KDM1A: variants seen among roughly 807,000 people sequenced by gnomAD.
KDM1A encodes lysine-specific histone demethylase 1A.
A neutral mutation model predicts 109.4 loss-of-function variants in KDM1A; 49 were observed. The observed-to-expected ratio is 0.45, with a 90% CI of 0.36 to 0.57. KDM1A has a LOEUF of 0.57. Among genes scored for constraint, KDM1A ranks in the 20% least tolerant of loss-of-function variants. The pLI, the probability that KDM1A is intolerant of heterozygous loss-of-function variation, is 0.00. For missense variants in KDM1A, 668 were observed against 1,116.6 expected, an observed-to-expected ratio of 0.60 and a Z score of 5.73; for synonymous variants, 380 against 415.4, an observed-to-expected ratio of 0.91 and a Z score of 1.04.
At chr1:23,022,609 G>A (rs1008240884) in intron 1 of KDM1A, among the ~76,000 whole-genome samples, 2 of 150,610 alleles carry the variant, frequency 1.3e-5, no homozygotes, top group African/African-American at 4.9e-5. Flanking sequence ...CAAAGTGCTG[G>A]GATTACAGGC....
chr1:23,024,722 A>G (rs1384122863), intron 1 of KDM1A, among the ~76,000 whole-genome samples: 1 of 152,244 alleles, frequency 6.6e-6, no homozygotes, highest in East Asian at 1.9e-4. Flanking sequence ...GAAATGGCAG[A>G]ATTTAGAAAA....
chr1:23,070,541 G>C (rs970718587), intron 12 of KDM1A, among the ~76,000 whole-genome samples: 1 of 152,082 alleles, frequency 6.6e-6, no homozygotes, highest in African/African-American at 2.4e-5. Context: ...AGGCATGGTG[G>C]CTCACGCCTG....
intron 1 of KDM1A, among the ~76,000 whole-genome samples, chr1:23,027,158 T>C (rs1641830187): frequency 6.6e-6 from 1 of 152,084 alleles, no homozygotes; most frequent in Non-Finnish European, 1.5e-5. Context: ...TATTAAGTAG[T>C]ATTAAGAAGT....
intron 2 of KDM1A, among the ~76,000 whole-genome samples, chr1:23,043,468 A>T (rs1380377284): frequency 7.2e-5 from 11 of 152,098 alleles, no homozygotes; most frequent in African/African-American, 2.7e-4. Flanking sequence ...CTGCTTTCTT[A>T]TTGGGGTACG....
chr1:23,052,465 T>G (rs1392476931), intron 4 of KDM1A, among the ~76,000 whole-genome samples: 1 of 152,224 alleles, frequency 6.6e-6, no homozygotes, highest in Non-Finnish European at 1.5e-5. Context: ...TAATTTGGTT[T>G]ATTTACATAT....
intron 18 of KDM1A, among the ~76,000 whole-genome samples, chr1:23,080,630 C>T (rs1027270493): frequency 1.3e-5 from 2 of 152,170 alleles, no homozygotes; most frequent in Admixed American, 1.3e-4. Context: ...GCTGTTCTCA[C>T]ATCCTGGAAG....
chr1:23,081,702 T>A, intron 19 of KDM1A, 129 bp downstream of exon 19: 2 of 1,139,820 alleles, frequency 1.8e-6, no homozygotes, highest in Non-Finnish European at 2.5e-6. Context: ...CATGAATAAT[T>A]AATGTTTGGA....
At chr1:23,045,808 A>G (rs944366424) in intron 3 of KDM1A, among the ~76,000 whole-genome samples, 7 of 152,204 alleles carry the variant, frequency 4.6e-5, no homozygotes, top group African/African-American at 1.4e-4. Context: ...AAGTGTTTCC[A>G]GGAATGATGG....
At chr1:23,036,444 G>GCCCCCC (rs5773033) in intron 2 of KDM1A, among the ~76,000 whole-genome samples, 38 of 121,690 alleles carry the variant, frequency 3.1e-4, no homozygotes, top group South Asian at 1.1e-3. Flanking sequence ...TTCTTGCCAC[G>GCCCCCC]CCCCCCCCCT....
chr1:23,033,313 G>A (rs1642045518), intron 2 of KDM1A, among the ~76,000 whole-genome samples: 2 of 152,176 alleles, frequency 1.3e-5, no homozygotes, highest in Non-Finnish European at 2.9e-5. Flanking sequence ...CCTGAGGTCA[G>A]GAGTTCGAGA....
chr1:23,060,818 A>G (rs1642978033), intron 9 of KDM1A, among the ~76,000 whole-genome samples: 1 of 152,152 alleles, frequency 6.6e-6, no homozygotes, highest in African/African-American at 2.4e-5. Flanking sequence ...GAACAGGGGA[A>G]ATGACACGAT....
intron 10 of KDM1A, among the ~76,000 whole-genome samples, chr1:23,068,111 C>T (rs1643206183): frequency 6.6e-6 from 1 of 152,180 alleles, no homozygotes; most frequent in African/African-American, 2.4e-5. Context: ...TTCTTATTTT[C>T]CCATCCTGCC....
intron 3 of KDM1A, 54 bp from the exon 4 acceptor site, chr1:23,050,316 TTTAAGCGTCATCACTAC>T: frequency 2.0e-6 from 3 of 1,473,650 alleles, no homozygotes; most frequent in Non-Finnish European, 2.7e-6. Context: ...GGCAAAGGAA[TTTAAGCGTCATCACTAC>T]CCGTTTTGTA....
At chr1:23,069,239 T>G (rs759166680) in intron 12 of KDM1A, 88 bp downstream of exon 12, 13 of 776,252 alleles carry the variant, frequency 1.7e-5, no homozygotes, top group Non-Finnish European at 2.5e-5. Flanking sequence ...CGAGATTTTT[T>G]CCTCCATGGA....
intron 1 of KDM1A, among the ~76,000 whole-genome samples, chr1:23,022,983 T>G (rs957115145): frequency 6.6e-6 from 1 of 152,190 alleles, no homozygotes; most frequent in Non-Finnish European, 1.5e-5. Context: ...ACATTTAATA[T>G]TGTTTGTCTT....
Position 23,019,771 on chromosome 1 carries a change from A to C in KDM1A, c.175A>C (p.Thr59Pro). The C allele has an allele frequency of 7.3e-7, 1 of 1,361,420 alleles. No individual in the cohort carries two copies. The highest frequency in any genetic ancestry group is 1.8e-5 in the South Asian group (1 of 54,842). The allele number at this position is 1,361,420 out of a possible 1,614,324, so 84.3% of individuals were successfully genotyped here. Residue 59 changes from threonine to proline, a missense_variant, in exon 1 of 21, where the codon ACA becomes CCA. Physicochemically the swap from Thr to Pro is conservative, Grantham distance 38. Coordinates refer to ENST00000400181, the MANE Select transcript of KDM1A (RefSeq NM_001009999.3). ...EVGPGAVGERTPRKKEPPRAS... is the reference protein window; with the variant it reads ...EVGPGAVGERPPRKKEPPRAS... Reference sequence around the variant, plus strand: ...CGGGCCGGGGGCGGTGGGGGAGCGCACACCCCGCAAGAAAGAGCCTCCGCG... The same window carrying C: ...CGGGCCGGGGGCGGTGGGGGAGCGCCCACCCCGCAAGAAAGAGCCTCCGCG...
At chr1:23,063,050 TTGG>T (rs1323428447) in intron 9 of KDM1A, among the ~76,000 whole-genome samples, 1 of 152,072 alleles carries the variant, frequency 6.6e-6, no homozygotes, top group Non-Finnish European at 1.5e-5. Context: ...GAAAGCACAA[TTGG>T]TGGGGGAGAC....
At chr1:23,036,679 G>C (rs759212530) in intron 2 of KDM1A, among the ~76,000 whole-genome samples, 31 of 151,976 alleles carry the variant, frequency 2.0e-4, no homozygotes, top group Non-Finnish European at 3.7e-4. Context: ...TTATAGCCTA[G>C]TATGAGACAC....
At chr1:23,049,563 T>TA (rs1177544498) in intron 3 of KDM1A, among the ~76,000 whole-genome samples, 3 of 151,616 alleles carry the variant, frequency 2.0e-5, no homozygotes, top group African/African-American at 7.3e-5. Flanking sequence ...CGGGTGCCTG[T>TA]AATCCCAGCT....
Sources: allele counts gnomAD v4.1 joint callset (sites outside exome capture counted in the v4.1 genomes callset), GRCh38; gene constraint gnomAD v4.1.1; transcripts MANE v1.5; gene names NCBI Gene and HGNC (gene_info 2026-07-23, HGNC 2026-07-21).